YBX2: variants seen among roughly 807,000 people sequenced by gnomAD.
The protein encoded by YBX2 is Y-box-binding protein 2.
In YBX2, 5 loss-of-function variants were observed where a neutral mutation model predicts 44.4. The ratio of observed to expected loss-of-function variants is 0.11; its 90% CI spans 0.06 to 0.24. YBX2 has a LOEUF of 0.24. YBX2 is among the 10% of genes least tolerant of loss of function. YBX2 has a pLI of 1.00. For synonymous variants in YBX2, 188 were observed against 216.1 expected, an observed-to-expected ratio of 0.87 and a Z score of 1.14; for missense variants, 417 against 526.9, an observed-to-expected ratio of 0.79 and a Z score of 2.04.
At position 7,292,016 on chromosome 17, in the gene YBX2, T is replaced by C; in HGVS notation, c.369+10A>G. On this transcript the variant is annotated intron_variant, in intron 3 of 8. Transcript: ENST00000007699. ...GGTTCTTCCCCTCAGAAAGCTAACC[T>C]AGCTCTTACCTGGTGAACAAAGACA... 1.9e-6 allele frequency: 3 copies of C among 1,614,148 alleles called. No individual in the cohort carries two copies. The highest frequency in any genetic ancestry group is 1.6e-4 in the Middle Eastern group (1 of 6,062).
rs754698880 is a variant in YBX2, at chr17:7,290,272, G to A, written c.723C>T (p.Pro241=). The A allele has an allele frequency of 2.7e-5, 44 of 1,612,804 alleles. No homozygotes were observed. Among genetic ancestry groups the A allele is most frequent in the Non-Finnish European group, 3.7e-5 (44 of 1,179,346 alleles). Residue 241 remains proline (P), a synonymous_variant, in exon 5 of 9, where the codon CCC becomes CCT. Transcript: ENST00000007699. ...RRRFVRGPRP[P]NQQQPIEGTD... is the part of the protein sequence containing the mutation. Reference sequence around the variant, plus strand: ...TCACCTCTATAGGCTGCTGCTGGTTGGGAGGCCGGGGGCCTCGCACAAACC... The same window carrying A: ...TCACCTCTATAGGCTGCTGCTGGTTAGGAGGCCGGGGGCCTCGCACAAACC...
At chr17:7,288,870 T>C (rs777095758) in intron 7 of YBX2, 32 bp from the exon 8 acceptor site, 26 of 1,612,894 alleles carry the variant, frequency 1.6e-5, no homozygotes, top group Non-Finnish European at 2.2e-5. Context: ...TTGAGACTTG[T>C]TCTTTTTGTT....
Position 7,291,059 on chromosome 17 carries a change from T to TA in YBX2, c.459+33dup, listed in dbSNP as rs1184923843. The TA allele has an allele frequency of 6.2e-7, 1 of 1,607,522 alleles. No individual in the cohort carries two copies. Among genetic ancestry groups the TA allele is most frequent in the African/African-American group, 1.3e-5 (1 of 74,746 alleles). ...CCTCCAGGCCACCCTCCCGTAAGCC[T>TA]AGTCAACTCTATACCCCATAGCAGT... On this transcript the variant is annotated intron_variant, in intron 4 of 8. Transcript: ENST00000007699. This position sits in a 1 kb window ranked among gnomAD's most constrained non-coding sequence, Gnocchi z 5.8.
chr17:7,288,891 A>G, intron 7 of YBX2, 53 bp from the exon 8 acceptor site: 1 of 1,605,156 alleles, frequency 6.2e-7, no homozygotes. Context: ...TTTGAGACAG[A>G]GTCTCACTCC....
At chr17:7,292,108 A>G (rs1184575565) in intron 2 of YBX2, 49 bp from the exon 3 acceptor site, 20 of 1,610,800 alleles carry the variant, frequency 1.2e-5, no homozygotes, top group Non-Finnish European at 1.6e-5. Flanking sequence ...CAAAGCCCTC[A>G]GCTCCTCACT....
rs1385225171 is a variant in YBX2, at chr17:7,291,068, C to G, written c.459+25G>C. ...CACCCTCCCGTAAGCCTAGTCAACT[C>G]TATACCCCATAGCAGTCCCCAAACC... is the stretch of plus-strand genomic sequence containing the variant. On this transcript the variant is annotated intron_variant, in intron 4 of 8. Transcript: ENST00000007699. This position sits in a 1 kb window ranked among gnomAD's most constrained non-coding sequence, Gnocchi z 5.8. 1 of 1,611,206 alleles carries G rather than the reference C, an allele frequency of 6.2e-7. No individual in the cohort carries two copies. The highest frequency in any genetic ancestry group is 1.1e-5 in the South Asian group (1 of 90,978).
Position 7,293,531 on chromosome 17 carries a change from T to A in YBX2, c.279A>T (p.Gln93His). The A allele has an allele frequency of 6.2e-7, 1 of 1,614,070 alleles. No homozygotes were observed. The highest frequency in any genetic ancestry group is 8.5e-7 in the Non-Finnish European group (1 of 1,179,990). The change falls in exon 2 of 9, where the codon CAA becomes CAT. Residue 93 changes from glutamine to histidine, a missense_variant. This residue lies in a region of YBX2 where 39 missense variants were observed against 123.8 expected (regional missense o/e 0.32). Coordinates refer to ENST00000007699, the MANE Select transcript of YBX2 (RefSeq NM_015982.4). ...TGAACCATTTGACAGTGCCCAGGAC[T>A]TGGATTGCTGCCAGGCAGAGATGCA... The part of the protein sequence containing the change: ...SQADKPVLAI[Q>H]VLGTVKWFNV...
rs1238393701 is a variant in YBX2 at position 7,291,956 on chromosome 17, G to A, written c.369+70C>T. The A allele has an allele frequency of 3.1e-6, 5 of 1,593,508 alleles. No individual in the cohort carries two copies. In the East Asian group the frequency reaches 1.1e-4, roughly 36 times the overall value. ...CCAGAGAAACATGGCGGAGCGCACT[G>A]CTAAGGATTACAGCAAAGGCCTTCA... On this transcript the variant is annotated intron_variant, in intron 3 of 8. Coordinates refer to ENST00000007699, the MANE Select transcript of YBX2 (RefSeq NM_015982.4). The surrounding 1 kb of genome is among the most constrained non-coding windows in gnomAD (Gnocchi z 5.8).
At chr17:7,293,603 TGA>T in intron 1 of YBX2, 65 bp from the exon 2 acceptor site, 1 of 1,612,446 alleles carries the variant, frequency 6.2e-7, no homozygotes. Flanking sequence ...AACTCAGTTT[TGA>T]GACACTCCAA....
chr17:7,291,828 G>A lies in YBX2; in HGVS notation c.369+198C>T, dbSNP rs1194744585. The stretch of plus-strand genomic sequence containing the variant: ...GGGTAGTAAGCGTGCCATGCCCAGG[G>A]GTAACATGCTCAATTCTGACGGACG... On this transcript the variant is annotated intron_variant, in intron 3 of 8. Coordinates refer to ENST00000007699, the MANE Select transcript of YBX2 (RefSeq NM_015982.4). The surrounding 1 kb of genome is among the most constrained non-coding windows in gnomAD (Gnocchi z 5.8). The A allele has an allele frequency of 1.5e-6, 1 of 664,932 alleles. No individual in the cohort carries two copies. The highest frequency in any genetic ancestry group is 1.8e-5 in the African/African-American group (1 of 55,754). 41.2% of individuals were successfully genotyped at this position (664,932 alleles called of 1,614,324 possible). A position where few individuals can be genotyped will look rare whatever the true frequency, so the allele number is the denominator to read the frequency against.
chr17:7,293,436 A>G, intron 2 of YBX2, 39 bp downstream of exon 2: 6 of 1,613,652 alleles, frequency 3.7e-6, no homozygotes, highest in Non-Finnish European at 4.2e-6. Flanking sequence ...CCAGCTGGGA[A>G]GACACCCATT....
chr17:7,294,422 C>T lies in YBX2; in HGVS notation c.79G>A (p.Ala27Thr). The change falls in exon 1 of 9, where the codon GCG becomes ACG. Residue 27 changes from alanine (A) to threonine (T), a missense_variant. Physicochemically the swap from Ala to Thr is moderately conservative, Grantham distance 58. Around this residue, in one of 3 missense-constraint regions of YBX2, gnomAD observed 121 missense variants for 141.3 expected, o/e 0.86. Coordinates refer to ENST00000007699, the MANE Select transcript of YBX2 (RefSeq NM_015982.4). This position sits in a 1 kb window ranked among gnomAD's most constrained non-coding sequence, Gnocchi z 4.6. ...TVPATAAGVV[A>T]VVVPVPAGEP... Reference sequence around the variant, plus strand: ...CCTGCGGGCACCGGTACCACCACCGCTACCACCCCTGCCGCCGTCGCGGGC... The same window carrying T: ...CCTGCGGGCACCGGTACCACCACCGTTACCACCCCTGCCGCCGTCGCGGGC... 1 of 1,466,994 alleles carries T rather than the reference C, an allele frequency of 6.8e-7. No individual in the cohort carries two copies. Among genetic ancestry groups the T allele is most frequent in the Non-Finnish European group, 9.0e-7 (1 of 1,112,484 alleles). The allele number at this position is 1,466,994 out of a possible 1,614,324, so 90.9% of individuals were successfully genotyped here. A position where few individuals can be genotyped will look rare whatever the true frequency, so the allele number is the denominator to read the frequency against.
chr17:7,290,423 G>A lies in YBX2; in HGVS notation c.572C>T (p.Ala191Val), dbSNP rs867296443. ...RRFIPRPPSV[A>V]PPPMVAEIPS... ...GATCTCTGCCACCATGGGTGGTGGG[G>A]CAACTGAGGGAGGCCGGGGGATGAA... Residue 191 changes from alanine to valine, a missense_variant, in exon 5 of 9, where the codon GCC (alanine) becomes GTC (valine). Physicochemically the swap from Ala to Val is moderately conservative, Grantham distance 64 (BLOSUM62 0). Around this residue, in one of 3 missense-constraint regions of YBX2, gnomAD observed 257 missense variants for 261.7 expected, o/e 0.98. Transcript: ENST00000007699. 1 of 1,613,882 alleles carries A rather than the reference G, an allele frequency of 6.2e-7. No homozygotes were observed. The highest frequency in any genetic ancestry group is 1.3e-5 in the African/African-American group (1 of 74,982).
In YBX2 at chr17:7,290,241, A is replaced by G. The variant is rs564090537; in HGVS notation, c.744+10T>C. On this transcript the variant is annotated intron_variant, in intron 5 of 8. Transcript: ENST00000007699. ...GGGGAACTGGCTCCCATATTCCAGC[A>G]TCCCCTCACCTCTATAGGCTGCTGC... 1.2e-6 allele frequency: 2 copies of G among 1,607,642 alleles called. No homozygotes were observed. The highest frequency in any genetic ancestry group is 2.2e-5 in the East Asian group (1 of 44,720).
intron 7 of YBX2, 63 bp downstream of exon 7, chr17:7,289,467 G>C: frequency 6.5e-7 from 1 of 1,549,722 alleles, no homozygotes; most frequent in Non-Finnish European, 8.7e-7. Flanking sequence ...GAAAGAAAAA[G>C]GAGCAGGTGG....
In YBX2 at chr17:7,294,530, C is replaced by T. The variant is rs1390155310; in HGVS notation, c.-30G>A. ...CCGGGTCCAGTACCGGCCACAGCCG[C>T]CACCGCCCCGGCCCCTCCCCCCGGC... On this transcript the variant is annotated 5_prime_UTR_variant, in exon 1 of 9. Coordinates refer to ENST00000007699, the MANE Select transcript of YBX2 (RefSeq NM_015982.4). This position sits in a 1 kb window ranked among gnomAD's most constrained non-coding sequence, Gnocchi z 4.6. The T allele has an allele frequency of 1.4e-6, 2 of 1,438,794 alleles. No homozygotes were observed. Among genetic ancestry groups the T allele is most frequent in the Admixed American group, 4.8e-5 (2 of 41,770 alleles). The allele number at this position is 1,438,794 out of a possible 1,614,324, so 89.1% of individuals were successfully genotyped here. A position where few individuals can be genotyped will look rare whatever the true frequency, so the allele number is the denominator to read the frequency against.
chr17:7,290,149 A>G, intron 5 of YBX2, 78 bp from the exon 6 acceptor site: 1 of 1,611,522 alleles, frequency 6.2e-7, no homozygotes, highest in Non-Finnish European at 8.5e-7. Context: ...GCTCTGCCCA[A>G]CCCTCAGTTC....
In YBX2 at chr17:7,288,515, G is replaced by C; in HGVS notation, c.*168C>G. 2.3e-6 allele frequency: 1 copy of C among 430,966 alleles called. No individual in the cohort carries two copies. Among genetic ancestry groups the C allele is most frequent in the Non-Finnish European group, 4.3e-6 (1 of 233,404 alleles). The allele number at this position is 430,966 out of a possible 1,614,324, so 26.7% of individuals were successfully genotyped here. A position where few individuals can be genotyped will look rare whatever the true frequency, so the allele number is the denominator to read the frequency against. On this transcript the variant is annotated 3_prime_UTR_variant, in exon 9 of 9. Coordinates refer to ENST00000007699, the MANE Select transcript of YBX2 (RefSeq NM_015982.4). ...GGGAAGAAAAAAGAAAAAGCAAAAG[G>C]CTGCTGCTTTGGTCCTCCTGAGTCT...
At chr17:7,293,157 A>G in intron 2 of YBX2, 1 of 440,640 alleles carries the variant, frequency 2.3e-6, no homozygotes, top group Non-Finnish European at 4.2e-6. Flanking sequence ...GAACCCTATA[A>G]TACATTCTGC....
Sources: gnomAD v4.1 joint callset for allele counts on GRCh38, gnomAD v4.1.1 for gene constraint, gnomAD v4.1.1 regional missense constraint, Gnocchi (gnomAD v3.1) non-coding constraint, MANE v1.5 for transcripts, NCBI Gene and HGNC (gene_info 2026-07-23, HGNC 2026-07-21) for gene names.